Variants in COPS7B observed in about 807,000 individuals in gnomAD.
COPS7B encodes the protein COP9 signalosome complex subunit 7b.
A neutral mutation model predicts 33.4 loss-of-function variants in COPS7B; 9 were observed. That is an observed-to-expected ratio of 0.27 (90% CI 0.16 to 0.47). COPS7B has a LOEUF of 0.47. Among genes scored for constraint, COPS7B ranks in the 20% least tolerant of loss-of-function variants. The pLI is 0.99. For synonymous variants in COPS7B, 119 were observed against 126.3 expected (o/e 0.94, Z 0.39); for missense variants, 242 against 318.2 (o/e 0.76, Z 1.82).
chr2:231,804,341 G>A (rs1488327727), intron 6 of COPS7B, among the ~76,000 whole-genome samples: 1 of 151,342 alleles, frequency 6.6e-6, no homozygotes, highest in Non-Finnish European at 1.5e-5. Flanking sequence ...TCTGCCTCCC[G>A]GGTTCACGCC....
chr2:231,785,653 G>A (rs977219009), upstream of COPS7B, among the ~76,000 whole-genome samples: 41 of 152,160 alleles, frequency 2.7e-4, no homozygotes, highest in African/African-American at 9.2e-4. Context: ...CATTTGTCCT[G>A]TCTCATTTCT....
rs577023127 is a variant in COPS7B, at chr2:231,796,777, G to A, written c.530+469G>A. Among the ~76,000 whole-genome samples, 9 of 152,324 alleles carry A rather than the reference G, an allele frequency of 5.9e-5. No individual in the cohort carries two copies. The South Asian group carries it at 1.9e-3, about 32-fold the overall frequency. On this transcript the variant is annotated intron_variant, in intron 5 of 6. Coordinates refer to ENST00000350033, the MANE Select transcript of COPS7B (RefSeq NM_022730.4). ...ATAAAAGAACTTACGTTCAAAATCA[G>A]TAACATATTGGGCTAATGTTTGTAA...
chr2:231,794,293 C>T lies in COPS7B; in HGVS notation c.269C>T (p.Thr90Ile). The T allele has an allele frequency of 1.2e-6, 2 of 1,614,060 alleles. No individual in the cohort carries two copies. The highest frequency in any genetic ancestry group is 1.7e-6 in the Non-Finnish European group (2 of 1,179,984). The change falls in exon 4 of 7, where the codon ACA (threonine) becomes ATA (isoleucine). Residue 90 changes from threonine (T) to isoleucine (I), a missense_variant. Transcript: ENST00000350033. ...AAGGAGAGCCTGCCAGAACTGAGCA[C>T]AGCTCAGCAGAACAAGCTGAAGCAT... Reference protein sequence around the residue: ...ANKESLPELSTAQQNKLKHLT... With the variant: ...ANKESLPELSIAQQNKLKHLT...
chr2:231,801,288 G>T, intron 6 of COPS7B: 3 of 1,533,700 alleles, frequency 2.0e-6, no homozygotes, highest in Non-Finnish European at 2.6e-6. Flanking sequence ...TCTCCATTTA[G>T]GCTTTTGTGG....
rs200809891 is a variant in COPS7B, at chr2:231,808,380, C to T, written c.*735C>T. On this transcript the variant is annotated 3_prime_UTR_variant, in exon 7 of 7. Coordinates refer to ENST00000350033, the MANE Select transcript of COPS7B (RefSeq NM_022730.4). ...TTGGCGTTCTCTCCTGGCCACTCTT[C>T]CTGCTGCCTCTGACTACTCAGCCTT... The T allele has an allele frequency of 1.0e-4, 49 of 466,848 alleles. No individual in the cohort carries two copies. Among genetic ancestry groups the T allele is most frequent in the Non-Finnish European group, 2.1e-4 (47 of 224,832 alleles). The allele number at this position is 466,848 out of a possible 1,614,324, so 28.9% of individuals were successfully genotyped here.
In COPS7B at chr2:231,788,537, C is replaced by T; in HGVS notation, c.-16-18C>T. ...AAAGGAGAAGGAAGAATGACTGACA[C>T]AATTTTCTTTTGGACAGATTTCAAG... On this transcript the variant is annotated intron_variant, in intron 1 of 6. Coordinates refer to ENST00000350033, the MANE Select transcript of COPS7B (RefSeq NM_022730.4). 1 of 1,609,658 alleles carries T rather than the reference C, an allele frequency of 6.2e-7. No homozygotes were observed. Among genetic ancestry groups the T allele is most frequent in the Non-Finnish European group, 8.5e-7 (1 of 1,178,332 alleles).
At chr2:231,805,426 TA>T (rs1273290004) in intron 6 of COPS7B, among the ~76,000 whole-genome samples, 2,232 of 129,552 alleles carry the variant, frequency 0.017, 37 homozygotes, top group African/African-American at 0.049. Context: ...TATATATATA[TA>T]TATATTTTTT....
chr2:231,805,076 G>A (rs1326047572), intron 6 of COPS7B, among the ~76,000 whole-genome samples: 1 of 152,184 alleles, frequency 6.6e-6, no homozygotes, highest in Non-Finnish European at 1.5e-5. Flanking sequence ...GTATGTGTCT[G>A]TAGTCCCAGC....
chr2:231,787,354 A>T (rs897727199), intron 1 of COPS7B, among the ~76,000 whole-genome samples: 2 of 152,078 alleles, frequency 1.3e-5, no homozygotes, highest in South Asian at 4.1e-4. Context: ...TATTCTTCAA[A>T]TTGTTCTTTG....
At chr2:231,805,923 A>AT (rs1460584047) in intron 6 of COPS7B, among the ~76,000 whole-genome samples, 1 of 151,932 alleles carries the variant, frequency 6.6e-6, no homozygotes, top group Non-Finnish European at 1.5e-5. Context: ...TGCTAGAAGT[A>AT]TAGGTGTGAG....
At chr2:231,798,767 A>G (rs934551013) in intron 5 of COPS7B, 92 bp from the exon 6 acceptor site, 1 of 993,380 alleles carries the variant, frequency 1.0e-6, no homozygotes, top group Non-Finnish European at 1.6e-6. Context: ...CCTGTAAGAT[A>G]CTGGGGAGAG....
At chr2:231,797,861 C>T (rs1178969118) in intron 5 of COPS7B, among the ~76,000 whole-genome samples, 1 of 152,156 alleles carries the variant, frequency 6.6e-6, no homozygotes, top group Non-Finnish European at 1.5e-5. Flanking sequence ...GCGGAATCTT[C>T]AAAACAGGAT....
At position 231,796,256 on chromosome 2, in the gene COPS7B, C is replaced by T. The variant is rs2049566892; in HGVS notation, c.478C>T (p.Arg160Cys). Residue 160 changes from arginine (R) to cysteine (C), a missense_variant, in exon 5 of 7, where the codon CGT becomes TGT. By Grantham distance (180) the Arg-to-Cys change is radical (BLOSUM62 -3). Transcript: ENST00000350033. ...QLLEVDFCIGRDIRKKDINNI... is the reference protein window; with the variant it reads ...QLLEVDFCIGCDIRKKDINNI... The stretch of plus-strand genomic sequence containing the variant: ...GCTGGAAGTGGATTTCTGCATTGGC[C>T]GTGACATCCGAAAGAAGGATATCAA... 2 of 1,614,114 alleles carry T rather than the reference C, an allele frequency of 1.2e-6. No individual in the cohort carries two copies. The highest frequency in any genetic ancestry group is 8.5e-7 in the Non-Finnish European group (1 of 1,180,030).
At position 231,807,715 on chromosome 2, in the gene COPS7B, C is replaced by T. The variant is rs536284829; in HGVS notation, c.*70C>T. 69 of 1,399,806 alleles carry T rather than the reference C, an allele frequency of 4.9e-5. No homozygotes were observed. Among genetic ancestry groups the T allele is most frequent in the Middle Eastern group, 5.0e-4 (2 of 4,006 alleles). The allele number at this position is 1,399,806 out of a possible 1,614,324, so 86.7% of individuals were successfully genotyped here. On this transcript the variant is annotated 3_prime_UTR_variant, in exon 7 of 7. Coordinates refer to ENST00000350033, the MANE Select transcript of COPS7B (RefSeq NM_022730.4). ...GGAGGGGACACCAAGGGCCCATTTC[C>T]TCCCCTCTCTACCTGCAGTGAGTTC...
chr2:231,796,104 A>G lies in COPS7B; in HGVS notation c.328-2A>G. 6.2e-7 allele frequency: 1 copy of G among 1,613,028 alleles called. No homozygotes were observed. Among genetic ancestry groups the G allele is most frequent in the Non-Finnish European group, 8.5e-7 (1 of 1,179,050 alleles). ...ATAATGATCACATGGCCTTATCTACAGTGTATCCCCTACTCCGTGTTGCTG... is the reference window on the plus strand; with the variant it reads ...ATAATGATCACATGGCCTTATCTACGGTGTATCCCCTACTCCGTGTTGCTG... On this transcript the variant is annotated splice_acceptor_variant, in intron 4 of 6. Coordinates refer to ENST00000350033, the MANE Select transcript of COPS7B (RefSeq NM_022730.4). LOFTEE classifies it high-confidence loss of function.
At chr2:231,798,254 C>CTTTTTCT (rs1246476492) in intron 5 of COPS7B, among the ~76,000 whole-genome samples, 1,603 of 116,704 alleles carry the variant, frequency 0.014, 50 homozygotes, top group African/African-American at 0.051. Flanking sequence ...ATTCTACCTT[C>CTTTTTCT]TTTTTTTTTT....
intron 6 of COPS7B, among the ~76,000 whole-genome samples, chr2:231,800,857 T>A (rs2049724430): frequency 6.6e-6 from 1 of 152,248 alleles, no homozygotes. Flanking sequence ...CAATATGGTC[T>A]GTTCCCTGAG....
upstream of COPS7B, among the ~76,000 whole-genome samples, chr2:231,782,496 T>C (rs569501167): frequency 6.6e-6 from 1 of 152,230 alleles, no homozygotes; most frequent in African/African-American, 2.4e-5. Context: ...CTCTTGGCCT[T>C]CCTTCCTCTG....
chr2:231,796,009 G>A (rs1257820902), intron 4 of COPS7B, 97 bp from the exon 5 acceptor site: 7 of 970,306 alleles, frequency 7.2e-6, no homozygotes, highest in Admixed American at 6.2e-5. Flanking sequence ...TGCGTTTCCC[G>A]AGCCTAGAGG....
Sources: allele counts gnomAD v4.1 joint callset (sites outside exome capture counted in the v4.1 genomes callset), GRCh38; gene constraint gnomAD v4.1.1; transcripts MANE v1.5; gene names NCBI Gene and HGNC (gene_info 2026-07-23, HGNC 2026-07-21).